Variants in ARHGAP20 observed in about 807,000 individuals in gnomAD.
ARHGAP20 encodes the protein Rho GTPase activating protein 20.
A neutral mutation model predicts 73.7 loss-of-function variants in ARHGAP20; 34 were observed. The ratio of observed to expected loss-of-function variants is 0.46; its 90% CI spans 0.35 to 0.61. ARHGAP20 has a LOEUF of 0.61. ARHGAP20 is among the 20% of genes least tolerant of loss of function. ARHGAP20 has a pLI of 0.00. For synonymous variants in ARHGAP20, 523 were observed against 518.2 expected, an observed-to-expected ratio of 1.01 and a Z score of -0.13; for missense variants, 1,314 against 1,420.9, an observed-to-expected ratio of 0.92 and a Z score of 1.21.
chr11:110,686,423 A>T (rs1950133030), intron 2 of ARHGAP20, among the ~76,000 whole-genome samples: 1 of 152,136 alleles, frequency 6.6e-6, no homozygotes, highest in Non-Finnish European at 1.5e-5. Flanking sequence ...AATACAAATG[A>T]TTAATAGTAG....
chr11:110,590,955 TAA>T (rs1333728099), intron 10 of ARHGAP20, 146 bp from the exon 11 acceptor site: 7 of 849,160 alleles, frequency 8.2e-6, no homozygotes, highest in South Asian at 2.1e-5. Flanking sequence ...CCGGAAAAAT[TAA>T]AGTCACCTTT....
At chr11:110,615,408 C>T (rs1439111885) in intron 5 of ARHGAP20, 145 bp downstream of exon 5, 6 of 632,666 alleles carry the variant, frequency 9.5e-6, no homozygotes, top group East Asian at 2.9e-5. Context: ...AGCTAGTGTA[C>T]GATATAAACG....
chr11:110,597,893 T>G (rs1948011240), intron 9 of ARHGAP20, among the ~76,000 whole-genome samples: 1 of 152,234 alleles, frequency 6.6e-6, no homozygotes, highest in Non-Finnish European at 1.5e-5. Flanking sequence ...TGCACACATC[T>G]TACTTTCTAA....
chr11:110,702,046 G>C (rs569256783), intron 1 of ARHGAP20, among the ~76,000 whole-genome samples: 1 of 152,160 alleles, frequency 6.6e-6, no homozygotes, highest in South Asian at 2.1e-4. Flanking sequence ...TTTTGGCTTA[G>C]GATTGACTTG....
chr11:110,584,954 AATATATGTGAAT>A (rs1947595368), intron 12 of ARHGAP20, among the ~76,000 whole-genome samples: 1 of 70,090 alleles, frequency 1.4e-5, no homozygotes. Flanking sequence ...TGAATATATG[AATATATGTGAAT>A]ATATGAATAT....
chr11:110,711,785 G>C (rs919971255), intron 1 of ARHGAP20: 15 of 1,351,474 alleles, frequency 1.1e-5, no homozygotes, highest in African/African-American at 1.5e-5. Flanking sequence ...GCGAGGGGTC[G>C]GGGAAAGGCG....
intron 9 of ARHGAP20, among the ~76,000 whole-genome samples, chr11:110,597,921 G>GA (rs1327048855): frequency 6.6e-6 from 1 of 152,104 alleles, no homozygotes; most frequent in East Asian, 1.9e-4. Context: ...AAAGGCTAAT[G>GA]AAAAAACATG....
rs1429217960 is a variant in ARHGAP20 at position 110,624,118 on chromosome 11, T to C, written c.503+44A>G. 4 of 1,578,192 alleles carry C rather than the reference T, an allele frequency of 2.5e-6. No individual in the cohort carries two copies. The African/African-American group carries it at 4.1e-5, about 16-fold the overall frequency. On this transcript the variant is annotated intron_variant, in intron 4 of 14. Coordinates refer to ENST00000683387, the MANE Select transcript of ARHGAP20 (RefSeq NM_001384657.1). The stretch of plus-strand genomic sequence containing the variant: ...AAAATTTCAATCCTAGAAATTATCA[T>C]AGTAGCTAACCCAGGTAAATAGAGG...
At chr11:110,644,831 ACAAT>A (rs1216846649) in intron 2 of ARHGAP20, among the ~76,000 whole-genome samples, 2 of 152,192 alleles carry the variant, frequency 1.3e-5, no homozygotes, top group Non-Finnish European at 2.9e-5. Context: ...GGCAAGAGAA[ACAAT>A]CAAAGGAGTA....
intron 1 of ARHGAP20, 84 bp downstream of exon 1, chr11:110,712,043 G>C (rs1950672673): frequency 1.6e-6 from 2 of 1,247,054 alleles, no homozygotes; most frequent in Admixed American, 8.5e-5. Flanking sequence ...CGCCTAGCGC[G>C]CTGCTGTGGC....
intron 4 of ARHGAP20, among the ~76,000 whole-genome samples, chr11:110,622,897 A>G (rs1948659615): frequency 6.6e-6 from 1 of 152,202 alleles, no homozygotes; most frequent in Admixed American, 6.5e-5. Flanking sequence ...TTTAAATAAT[A>G]TAATATAGGT....
intron 1 of ARHGAP20, among the ~76,000 whole-genome samples, chr11:110,692,646 A>C (rs779166971): frequency 3.9e-5 from 6 of 152,152 alleles, no homozygotes; most frequent in Non-Finnish European, 7.4e-5. Flanking sequence ...AGGTTTACGA[A>C]GAATTTGGAA....
At chr11:110,653,983 A>G (rs1268129479) in intron 2 of ARHGAP20, among the ~76,000 whole-genome samples, 3 of 152,144 alleles carry the variant, frequency 2.0e-5, no homozygotes, top group African/African-American at 7.2e-5. Flanking sequence ...GTTCTCACTT[A>G]TAAGTGAGAG....
In ARHGAP20 at chr11:110,648,195, A is replaced by ATATATATATATGTAAATATATATATG. The variant is rs1949250916; in HGVS notation, c.189-17429_189-17404dup. Among the ~76,000 whole-genome samples, 70 of 86,436 alleles carry ATATATATATATGTAAATATATATATG rather than the reference A, an allele frequency of 8.1e-4. 3 individuals carry two copies. The highest frequency in any genetic ancestry group is 6.4e-5 in the Non-Finnish European group (3 of 46,940). 56.7% of individuals were successfully genotyped at this position (86,436 alleles called of 152,430 possible). Reference sequence around the variant, plus strand: ...TAAATATATATATATATATGTAAATATATATATATATGTAAATATATATAT... The same window carrying ATATATATATATGTAAATATATATATG: ...TAAATATATATATATATATGTAAATATATATATATATGTAAATATATATATGTATATATATATGTAAATATATATAT... On this transcript the variant is annotated intron_variant, in intron 2 of 14. Coordinates refer to ENST00000683387, the MANE Select transcript of ARHGAP20 (RefSeq NM_001384657.1).
In ARHGAP20 at chr11:110,581,135, A is replaced by C; in HGVS notation, c.1811T>G (p.Val604Gly). The C allele has an allele frequency of 6.2e-7, 1 of 1,614,208 alleles. No individual in the cohort carries two copies. The highest frequency in any genetic ancestry group is 1.6e-4 in the Middle Eastern group (1 of 6,062). Residue 604 changes from valine to glycine, a missense_variant, in exon 15 of 15, where the codon GTA becomes GGA. Physicochemically the swap from Val to Gly is moderately radical, Grantham distance 109. Around this residue, in one of 3 missense-constraint regions of ARHGAP20, gnomAD observed 230 missense variants for 317.6 expected, o/e 0.72. Transcript: ENST00000683387. ...TCTGCTCCCCTGGCCAAGTTTCTTT[A>C]CCAAGTCACTGCATGGTGCATCAAC... Reference protein sequence around the residue: ...EDVDAPCSDLVKKLGQGSRSM... With the variant: ...EDVDAPCSDLGKKLGQGSRSM...
chr11:110,583,251 G>A (rs1365419788), intron 13 of ARHGAP20, among the ~76,000 whole-genome samples: 8 of 152,130 alleles, frequency 5.3e-5, no homozygotes, highest in Admixed American at 5.2e-4. Flanking sequence ...TGGAAGCTTA[G>A]CTGTCCTAGT....
chr11:110,577,195 G>C lies in ARHGAP20; in HGVS notation c.*2175C>G. 1 of 1,524,510 alleles carries C rather than the reference G, an allele frequency of 6.6e-7. No individual in the cohort carries two copies. The highest frequency in any genetic ancestry group is 1.2e-5 in the South Asian group (1 of 82,190). The allele number at this position is 1,524,510 out of a possible 1,614,324, so 94.4% of individuals were successfully genotyped here. A position where few individuals can be genotyped will look rare whatever the true frequency, so the allele number is the denominator to read the frequency against. On this transcript the variant is annotated 3_prime_UTR_variant, in exon 15 of 15. Transcript: ENST00000683387. ...CACATTTATTACATAACATATGGTA[G>C]TAAAATTTGTCAAGATATATTATAC...
intron 9 of ARHGAP20, among the ~76,000 whole-genome samples, chr11:110,594,508 C>T (rs1048618997): frequency 1.3e-5 from 2 of 152,176 alleles, no homozygotes; most frequent in African/African-American, 4.8e-5. Flanking sequence ...AACCTCTCTG[C>T]ACCTACTCTC....
intron 2 of ARHGAP20, among the ~76,000 whole-genome samples, chr11:110,643,807 T>C (rs1457320292): frequency 6.6e-6 from 1 of 152,086 alleles, no homozygotes; most frequent in African/African-American, 2.4e-5. Context: ...ATTCGGAATT[T>C]GTTAGTTTTG....
Sources: allele counts gnomAD v4.1 joint callset (sites outside exome capture counted in the v4.1 genomes callset), GRCh38; gene constraint gnomAD v4.1.1; regional missense constraint gnomAD v4.1.1; transcripts MANE v1.5; gene names NCBI Gene and HGNC (gene_info 2026-07-23, HGNC 2026-07-21).